EBF1: variants seen among roughly 807,000 people sequenced by gnomAD.
EBF1 encodes the protein EBF transcription factor 1.
In EBF1, 10 loss-of-function variants were observed where a neutral mutation model predicts 68.4. The observed-to-expected ratio is 0.15, with a 90% CI of 0.09 to 0.25. The LOEUF (loss-of-function observed/expected upper bound fraction) is 0.25. EBF1 is among the 10% of genes least tolerant of loss of function. EBF1 has a pLI of 1.00. For synonymous variants in EBF1, 298 were observed against 299.8 expected, an observed-to-expected ratio of 0.99 and a Z score of 0.06; for missense variants, 509 against 794.4, an observed-to-expected ratio of 0.64 and a Z score of 4.32.
chr5:158,840,692 G>A (rs1414135756), intron 6 of EBF1, among the ~76,000 whole-genome samples: 5 of 79,016 alleles, frequency 6.3e-5, no homozygotes, highest in Non-Finnish European at 1.1e-4. Context: ...TTTTTTTTGA[G>A]ACGGAGTCTC....
chr5:159,072,511 G>A (rs1035651553), intron 6 of EBF1, among the ~76,000 whole-genome samples: 20 of 152,034 alleles, frequency 1.3e-4, no homozygotes, highest in East Asian at 5.8e-4. Flanking sequence ...ATGAGGGATC[G>A]GTCAGTCTTA....
At chr5:158,893,045 T>C (rs1438886114) in intron 6 of EBF1, among the ~76,000 whole-genome samples, 2 of 151,526 alleles carry the variant, frequency 1.3e-5, no homozygotes. Flanking sequence ...TCACACACCA[T>C]TCATTTCCAT....
Position 159,081,467 on chromosome 5 carries a change from C to T in EBF1, c.485+3199G>A, listed in dbSNP as rs984041430. Among the ~76,000 whole-genome samples, 8 of 152,178 alleles carry T rather than the reference C, an allele frequency of 5.3e-5. No homozygotes were observed. The East Asian group carries it at 7.7e-4, about 15-fold the overall frequency. ...AGTTTCAGGCATCCACTGTGGGTCA[C>T]GCAACACATCCTTCATGGATAAAAG... On this transcript the variant is annotated intron_variant, in intron 5 of 15. Coordinates refer to ENST00000313708, the MANE Select transcript of EBF1 (RefSeq NM_024007.5).
chr5:158,926,639 G>T (rs184555515), intron 6 of EBF1, among the ~76,000 whole-genome samples: 68 of 151,266 alleles, frequency 4.5e-4, no homozygotes, highest in Admixed American at 5.9e-4. Context: ...CAGAAGAATC[G>T]CTTGAACCCA....
chr5:158,934,096 C>T (rs2127447765), intron 6 of EBF1, among the ~76,000 whole-genome samples: 1 of 152,284 alleles, frequency 6.6e-6, no homozygotes, highest in Non-Finnish European at 1.5e-5. Flanking sequence ...CCATTACACA[C>T]AGGCAAATGA....
intron 6 of EBF1, among the ~76,000 whole-genome samples, chr5:158,858,488 T>C (rs539185952): frequency 1.3e-5 from 2 of 152,284 alleles, no homozygotes; most frequent in Admixed American, 6.5e-5. Context: ...TGCATTCTCC[T>C]CCTTTGAAGC....
intron 4 of EBF1, among the ~76,000 whole-genome samples, chr5:159,087,942 A>G (rs1284918227): frequency 6.6e-6 from 1 of 152,136 alleles, no homozygotes; most frequent in Non-Finnish European, 1.5e-5. Context: ...TGGGGCCTCT[A>G]TAGAACAATA....
intron 8 of EBF1, among the ~76,000 whole-genome samples, chr5:158,817,468 G>C (rs116000422): frequency 8.8e-4 from 134 of 152,192 alleles, no homozygotes; most frequent in Middle Eastern, 3.4e-3. Context: ...ACCCACACTT[G>C]CTTGCCTTTT....
At chr5:159,094,837 A>C (rs1782303098) in intron 4 of EBF1, among the ~76,000 whole-genome samples, 1 of 152,196 alleles carries the variant, frequency 6.6e-6, no homozygotes, top group Non-Finnish European at 1.5e-5. Flanking sequence ...TTTTCTTAAA[A>C]TTAAGAAGAA....
In EBF1 at chr5:158,974,510, G is replaced by A. The variant is rs117839923; in HGVS notation, c.554+98886C>T. Among the ~76,000 whole-genome samples the A allele has an allele frequency of 7.4e-4, 113 of 152,014 alleles. 3 individuals carry two copies. The East Asian group carries it at 0.018, about 25-fold the overall frequency. On this transcript the variant is annotated intron_variant, in intron 6 of 15. Transcript: ENST00000313708. The stretch of plus-strand genomic sequence containing the variant: ...AAAAATCCTCATTGGAAACATACAC[G>A]GCTTCGAGATGGAGTTTTCTTTTTG...
chr5:158,943,884 T>C (rs1039207975), intron 6 of EBF1, among the ~76,000 whole-genome samples: 7 of 152,172 alleles, frequency 4.6e-5, no homozygotes, highest in Non-Finnish European at 8.8e-5. Context: ...GAAAATAAGA[T>C]TATGCAAAAT....
At chr5:158,718,053 T>C (rs1486819421) in intron 11 of EBF1, among the ~76,000 whole-genome samples, 1 of 152,210 alleles carries the variant, frequency 6.6e-6, no homozygotes, top group Non-Finnish European at 1.5e-5. Context: ...ACTTATATTT[T>C]GGAAGCTTTA....
At chr5:158,877,880 A>G (rs1041974699) in intron 6 of EBF1, among the ~76,000 whole-genome samples, 1 of 151,972 alleles carries the variant, frequency 6.6e-6, no homozygotes, top group African/African-American at 2.4e-5. Flanking sequence ...GTCGCCATAT[A>G]TTGCTCTGGA....
chr5:158,805,857 T>C (rs1398650299), intron 8 of EBF1, among the ~76,000 whole-genome samples: 1 of 152,040 alleles, frequency 6.6e-6, no homozygotes, highest in Non-Finnish European at 1.5e-5. Flanking sequence ...TCTTCTTTTT[T>C]TTTCTATTAC....
At chr5:158,906,043 C>T (rs1804511247) in intron 6 of EBF1, among the ~76,000 whole-genome samples, 2 of 152,002 alleles carry the variant, frequency 1.3e-5, no homozygotes, top group Admixed American at 6.6e-5. Context: ...TCTTTGAGGT[C>T]AGCAGCAGAG....
intron 6 of EBF1, among the ~76,000 whole-genome samples, chr5:159,050,548 GCT>G (rs1417092659): frequency 5.9e-5 from 9 of 152,182 alleles, no homozygotes; most frequent in Non-Finnish European, 1.2e-4. Flanking sequence ...CCTTTCTCCA[GCT>G]CCCCTGGGCC....
chr5:158,780,297 G>A (rs148030064), intron 9 of EBF1, among the ~76,000 whole-genome samples: 20 of 152,248 alleles, frequency 1.3e-4, no homozygotes, highest in African/African-American at 4.1e-4. Flanking sequence ...TAGATCTAGG[G>A]TGTAGAACTC....
intron 6 of EBF1, among the ~76,000 whole-genome samples, chr5:159,072,688 G>A (rs1175123078): frequency 6.6e-6 from 1 of 152,182 alleles, no homozygotes; most frequent in Non-Finnish European, 1.5e-5. Flanking sequence ...TAATTAAAAT[G>A]TAAAATGAAT....
chr5:158,725,184 C>T (rs574853059), intron 11 of EBF1, among the ~76,000 whole-genome samples: 3 of 152,284 alleles, frequency 2.0e-5, no homozygotes, highest in South Asian at 4.2e-4. Flanking sequence ...AGTTCCTTCA[C>T]GGCAGGCTGG....
Sources: allele counts gnomAD v4.1 joint callset (sites outside exome capture counted in the v4.1 genomes callset), GRCh38; gene constraint gnomAD v4.1.1; transcripts MANE v1.5; gene names NCBI Gene and HGNC (gene_info 2026-07-23, HGNC 2026-07-21).